BCAR3: variants seen among roughly 807,000 people sequenced by gnomAD.
BCAR3 encodes BCAR3 adaptor protein, NSP family member.
In BCAR3, 37 loss-of-function variants were observed where a neutral mutation model predicts 80.1. That is an observed-to-expected ratio of 0.46 (90% CI 0.36 to 0.61). The LOEUF (loss-of-function observed/expected upper bound fraction) is 0.61. Among genes scored for constraint, BCAR3 ranks in the 20% least tolerant of loss-of-function variants. The pLI is 0.00. For synonymous variants in BCAR3, 389 were observed against 418.9 expected (o/e 0.93, Z 0.87); for missense variants, 978 against 1,068.2 (o/e 0.92, Z 1.18).
chr1:93,582,196 T>A (rs1673734454), intron 7 of BCAR3, 105 bp downstream of exon 7: 1 of 1,415,680 alleles, frequency 7.1e-7, no homozygotes, highest in African/African-American at 1.4e-5. Flanking sequence ...TGAGGCCAGA[T>A]GGATCCCCTC....
chr1:93,605,017 G>A (rs1041609697), intron 3 of BCAR3, among the ~76,000 whole-genome samples: 7 of 152,068 alleles, frequency 4.6e-5, no homozygotes, highest in South Asian at 2.1e-4. Flanking sequence ...TCACCTTTTC[G>A]TTAATAGATA....
At chr1:93,712,483 G>C (rs949929253) in intron 2 of BCAR3, among the ~76,000 whole-genome samples, 1 of 152,156 alleles carries the variant, frequency 6.6e-6, no homozygotes, top group Non-Finnish European at 1.5e-5. Flanking sequence ...TGCCTCTGTT[G>C]CTCTGTCCTT....
chr1:93,779,592 A>G lies in BCAR3; in HGVS notation c.-63+65975T>C, dbSNP rs377459856. ...GAAAAAGAAAGTGAGCCATGCAGAT[A>G]CCTAGGGGAAGGGTGTTCCAGGGTA... On this transcript the variant is annotated intron_variant, in intron 2 of 13. Coordinates refer to the BCAR3 transcript ENST00000370244. 2.0e-5 allele frequency among the ~76,000 whole-genome samples: 3 copies of G among 152,160 alleles called. No individual in the cohort carries two copies. The East Asian group carries it at 5.8e-4, about 29-fold the overall frequency.
intron 3 of BCAR3, chr1:93,613,960 A>G (rs1675029517): frequency 1.9e-6 from 3 of 1,549,810 alleles, no homozygotes; most frequent in African/African-American, 1.4e-5. Context: ...GGGACCACAC[A>G]CTTTCTTTAG....
intron 2 of BCAR3, among the ~76,000 whole-genome samples, chr1:93,735,424 A>G (rs1404371160): frequency 6.6e-6 from 1 of 152,222 alleles, no homozygotes; most frequent in Non-Finnish European, 1.5e-5. Flanking sequence ...ACATGGGATC[A>G]TTTTGAGAAC....
At chr1:93,600,253 C>T (rs899695584) in intron 3 of BCAR3, among the ~76,000 whole-genome samples, 5 of 152,232 alleles carry the variant, frequency 3.3e-5, no homozygotes, top group African/African-American at 1.2e-4. Context: ...TTTCCTGTTG[C>T]CCCAGGGAGC....
At chr1:93,746,509 C>T (rs1268066676) in intron 2 of BCAR3, among the ~76,000 whole-genome samples, 2 of 152,136 alleles carry the variant, frequency 1.3e-5, no homozygotes, top group Non-Finnish European at 1.5e-5. Flanking sequence ...AACAGAGCAA[C>T]TTTCTCAGAG....
intron 9 of BCAR3, among the ~76,000 whole-genome samples, chr1:93,570,264 T>G (rs200116837): frequency 6.6e-6 from 1 of 152,216 alleles, no homozygotes; most frequent in Admixed American, 6.5e-5. Context: ...TGTGGCTGTT[T>G]TTCAGTGGCA....
At chr1:93,764,394 C>A (rs1436576091) in intron 2 of BCAR3, among the ~76,000 whole-genome samples, 1 of 152,118 alleles carries the variant, frequency 6.6e-6, no homozygotes, top group East Asian at 1.9e-4. Context: ...GTCTCTGACA[C>A]CGCCATTCAT....
At chr1:93,735,215 G>A (rs1193306324) in intron 2 of BCAR3, among the ~76,000 whole-genome samples, 1 of 152,224 alleles carries the variant, frequency 6.6e-6, no homozygotes, top group African/African-American at 2.4e-5. Context: ...GTCAGAATTG[G>A]CTTGGACCTC....
chr1:93,827,008 T>C (rs1432253935), intron 2 of BCAR3, among the ~76,000 whole-genome samples: 1 of 152,138 alleles, frequency 6.6e-6, no homozygotes, highest in Non-Finnish European at 1.5e-5. Flanking sequence ...AGGAAGGCCA[T>C]GGGCAGTGCC....
chr1:93,648,207 T>C (rs1676206945), intron 2 of BCAR3, among the ~76,000 whole-genome samples: 1 of 152,236 alleles, frequency 6.6e-6, no homozygotes, highest in Non-Finnish European at 1.5e-5. Flanking sequence ...GAAAATTTTA[T>C]TAAAGCCATC....
At chr1:93,657,776 A>G (rs1422901457) in intron 2 of BCAR3, among the ~76,000 whole-genome samples, 1 of 152,088 alleles carries the variant, frequency 6.6e-6, no homozygotes, top group African/African-American at 2.4e-5. Context: ...TCACCTTTTC[A>G]TAATGTCTGG....
At chr1:93,765,010 C>T (rs1257974738) in intron 2 of BCAR3, among the ~76,000 whole-genome samples, 2 of 152,158 alleles carry the variant, frequency 1.3e-5, no homozygotes, top group Non-Finnish European at 2.9e-5. Flanking sequence ...ATTGAGCTCC[C>T]CTGCTCAGAG....
chr1:93,752,225 C>A (rs1443598279), intron 2 of BCAR3, among the ~76,000 whole-genome samples: 1 of 152,200 alleles, frequency 6.6e-6, no homozygotes, highest in Non-Finnish European at 1.5e-5. Flanking sequence ...TTGAAATCTC[C>A]TGTAGAGGCC....
intron 3 of BCAR3, chr1:93,600,613 T>C (rs2101865445): frequency 6.6e-6 from 1 of 152,350 alleles, no homozygotes; most frequent in African/African-American, 2.4e-5. Context: ...AATGCCTTTT[T>C]CCACCTGGCC....
intron 1 of BCAR3, among the ~76,000 whole-genome samples, chr1:93,680,594 T>C (rs1475380544): frequency 6.6e-6 from 1 of 152,178 alleles, no homozygotes; most frequent in East Asian, 1.9e-4. Context: ...CGTACTTTCC[T>C]TGGGGAGGTC....
intron 2 of BCAR3, among the ~76,000 whole-genome samples, chr1:93,716,983 T>C (rs1307285212): frequency 6.6e-6 from 1 of 152,116 alleles, no homozygotes; most frequent in African/African-American, 2.4e-5. Flanking sequence ...TATCAACAGG[T>C]GGAATCAATT....
rs34294233 is a variant in BCAR3 at position 93,567,412 on chromosome 1, C to T, written c.2166G>A (p.Val722=). ...CCCACATGTCGGTTCCTTCAAAAGT[C>T]ACAGCCTGGCGCTCCATTAACGTCA... is the stretch of plus-strand genomic sequence containing the variant. ...PLVTLMERQA[V]TFEGTDMWEK... The change falls in exon 11 of 12, where the codon GTG becomes GTA. Residue 722 remains valine, a synonymous_variant. Transcript: ENST00000260502. The T allele has an allele frequency of 1.9e-6, 3 of 1,613,450 alleles. No homozygotes were observed. In the East Asian group the frequency reaches 6.7e-5, roughly 36 times the overall value.
Sources: gnomAD v4.1 joint callset for allele counts (sites outside exome capture counted in the v4.1 genomes callset) on GRCh38, gnomAD v4.1.1 for gene constraint, MANE v1.5 for transcripts, NCBI Gene and HGNC (gene_info 2026-07-23, HGNC 2026-07-21) for gene names.